Variants in SLC12A8 observed in about 807,000 individuals in gnomAD.
SLC12A8 encodes cation-chloride cotransporter 9.
Under a neutral mutation model 75.6 loss-of-function variants are expected in SLC12A8, and 69 were observed. That is an observed-to-expected ratio of 0.91 (90% CI 0.75 to 1.11). SLC12A8 has a LOEUF of 1.11. Ranked by LOEUF, SLC12A8 falls within the 50% of genes most tolerant of loss-of-function variation. SLC12A8 has a pLI of 0.00. For synonymous variants in SLC12A8, 365 were observed against 372.8 expected (o/e 0.98, Z 0.24); for missense variants, 877 against 896.7 (o/e 0.98, Z 0.28).
intron 2 of SLC12A8, among the ~76,000 whole-genome samples, chr3:125,193,832 C>T (rs1241649368): frequency 2.0e-5 from 3 of 152,224 alleles, no homozygotes; most frequent in Non-Finnish European, 2.9e-5. Context: ...GGGGTGGAAG[C>T]GCTGGGGTGA....
intron 5 of SLC12A8, among the ~76,000 whole-genome samples, chr3:125,159,526 G>C (rs1427142923): frequency 6.6e-6 from 1 of 152,256 alleles, no homozygotes; most frequent in East Asian, 1.9e-4. Flanking sequence ...GGAATGTCAA[G>C]TCAGCAGAGA....
rs181794935 is a variant in SLC12A8, at chr3:125,164,822, G to T, written c.622+12921C>A. On this transcript the variant is annotated intron_variant, in intron 5 of 13. Transcript: ENST00000469902. The stretch of plus-strand genomic sequence containing the variant: ...GGAGCACTTGAAAATACAGACCAAT[G>T]GGCCCACCCCAGAGTGCTGATTTAC... 2.7e-4 allele frequency among the ~76,000 whole-genome samples: 41 copies of T among 152,326 alleles called. No homozygotes were observed. In the East Asian group the frequency reaches 6.9e-3, roughly 26 times the overall value.
chr3:125,153,570 A>G (rs1274895584), intron 5 of SLC12A8, among the ~76,000 whole-genome samples: 1 of 152,220 alleles, frequency 6.6e-6, no homozygotes, highest in Non-Finnish European at 1.5e-5. Flanking sequence ...CAAGTGTCGC[A>G]CTAAGTTCTG....
At chr3:125,166,206 C>T (rs1046091293) in intron 5 of SLC12A8, among the ~76,000 whole-genome samples, 4 of 152,088 alleles carry the variant, frequency 2.6e-5, no homozygotes, top group African/African-American at 9.7e-5. Flanking sequence ...CGCCATTTCC[C>T]CCACACCTGT....
chr3:125,119,959 T>TGTGG (rs534601837), intron 7 of SLC12A8: 73 of 456,164 alleles, frequency 1.6e-4, no homozygotes, highest in African/African-American at 1.4e-3. Context: ...AGCCTGCTTG[T>TGTGG]GTGGGTGGCA....
chr3:125,185,020 G>A (rs59434204), intron 4 of SLC12A8, among the ~76,000 whole-genome samples: 15,768 of 150,552 alleles, frequency 0.1, 1,020 homozygotes, highest in East Asian at 0.2. Context: ...GATAACCTAC[G>A]TGAAGTGGAC....
At chr3:125,198,247 T>G (rs503104) in intron 2 of SLC12A8, among the ~76,000 whole-genome samples, 39,921 of 126,742 alleles carry the variant, frequency 0.31, 5,862 homozygotes, top group South Asian at 0.55. Flanking sequence ...ATAACCAACA[T>G]GTGTTCTTTA....
chr3:125,174,244 G>A (rs982860308), intron 5 of SLC12A8, among the ~76,000 whole-genome samples: 4 of 152,166 alleles, frequency 2.6e-5, no homozygotes, highest in African/African-American at 7.2e-5. Flanking sequence ...AATATCATAC[G>A]TCATTAGAGA....
At chr3:125,146,970 A>G (rs1274571748) in intron 5 of SLC12A8, among the ~76,000 whole-genome samples, 1 of 152,184 alleles carries the variant, frequency 6.6e-6, no homozygotes, top group Non-Finnish European at 1.5e-5. Context: ...CTGTGTGCTC[A>G]GGGGTTTAGG....
intron 10 of SLC12A8, among the ~76,000 whole-genome samples, chr3:125,093,781 C>A (rs1938643641): frequency 6.6e-6 from 1 of 152,188 alleles, no homozygotes; most frequent in Non-Finnish European, 1.5e-5. Flanking sequence ...GTATTCCTAG[C>A]CCAAGTCTCC....
intron 6 of SLC12A8, among the ~76,000 whole-genome samples, chr3:125,123,027 C>T (rs952322602): frequency 2.6e-5 from 4 of 152,062 alleles, no homozygotes; most frequent in Admixed American, 6.5e-5. Context: ...GATTTAAGGG[C>T]CAGGTGTGGT....
At chr3:125,137,963 G>A (rs556136220) in intron 5 of SLC12A8, among the ~76,000 whole-genome samples, 5 of 151,676 alleles carry the variant, frequency 3.3e-5, no homozygotes, top group South Asian at 2.1e-4. Flanking sequence ...ACACTCACAC[G>A]CTCACACTCA....
At position 125,087,447 on chromosome 3, in the gene SLC12A8, T is replaced by C. The variant is rs540032603; in HGVS notation, c.1982+863A>G. ...GAAAAAAGGATTATGAAGTTACATC[T>C]GGGATCAATGGGAAAGGATCCCATG... is the stretch of plus-strand genomic sequence containing the variant. On this transcript the variant is annotated intron_variant, in intron 13 of 13. Coordinates refer to ENST00000469902, the MANE Select transcript of SLC12A8 (RefSeq NM_024628.6). Among the ~76,000 whole-genome samples, 15 of 152,316 alleles carry C rather than the reference T, an allele frequency of 9.8e-5. No individual in the cohort carries two copies. In the East Asian group the frequency reaches 2.9e-3, roughly 29 times the overall value.
chr3:125,106,926 T>C (rs1483800107), intron 10 of SLC12A8, among the ~76,000 whole-genome samples: 3 of 152,202 alleles, frequency 2.0e-5, no homozygotes, highest in African/African-American at 4.8e-5. Flanking sequence ...ACCTAGAATA[T>C]GGTAGGTCCT....
intron 10 of SLC12A8, among the ~76,000 whole-genome samples, chr3:125,101,982 C>T (rs540150808): frequency 1.3e-5 from 2 of 152,062 alleles, no homozygotes; most frequent in Non-Finnish European, 2.9e-5. Context: ...ATCTGACAAT[C>T]TAGTGGCAAA....
At chr3:125,173,452 CAAAA>C (rs61001520) in intron 5 of SLC12A8, among the ~76,000 whole-genome samples, 2 of 79,646 alleles carry the variant, frequency 2.5e-5, no homozygotes, top group Admixed American at 1.7e-4. Flanking sequence ...ATTCATGAGC[CAAAA>C]AAAAAAAAAA....
intron 8 of SLC12A8, among the ~76,000 whole-genome samples, chr3:125,116,084 G>C (rs918964628): frequency 6.6e-6 from 1 of 152,214 alleles, no homozygotes; most frequent in African/African-American, 2.4e-5. Flanking sequence ...CTACTGCAGC[G>C]GAGTCAGTCC....
intron 2 of SLC12A8, among the ~76,000 whole-genome samples, chr3:125,200,229 G>A (rs1211658494): frequency 6.6e-6 from 1 of 152,040 alleles, no homozygotes; most frequent in Non-Finnish European, 1.5e-5. Flanking sequence ...CAGGCGGATC[G>A]CTTGAGTCCA....
At chr3:125,182,204 G>A (rs1250608657) in intron 4 of SLC12A8, among the ~76,000 whole-genome samples, 3 of 152,068 alleles carry the variant, frequency 2.0e-5, no homozygotes, top group African/African-American at 4.8e-5. Flanking sequence ...GTGCACGCCT[G>A]TAGTCTCACC....
Sources: allele counts gnomAD v4.1 joint callset (sites outside exome capture counted in the v4.1 genomes callset), GRCh38; gene constraint gnomAD v4.1.1; transcripts MANE v1.5; gene names NCBI Gene and HGNC (gene_info 2026-07-23, HGNC 2026-07-21).